WDFY1: variants seen among roughly 807,000 people sequenced by gnomAD.
WDFY1 encodes WD repeat and FYVE domain-containing protein 1.
WDFY1 carries 32 observed loss-of-function variants against 56.4 expected under a neutral mutation model. The observed-to-expected ratio is 0.57, with a 90% CI of 0.43 to 0.76. The LOEUF (loss-of-function observed/expected upper bound fraction) is 0.76. Ranked by LOEUF, WDFY1 falls within the 30% of genes least tolerant of loss-of-function variation. The pLI, the probability that WDFY1 is intolerant of heterozygous loss-of-function variation, is 0.00. For missense variants in WDFY1, 480 were observed against 545.7 expected, an observed-to-expected ratio of 0.88 and a Z score of 1.20; for synonymous variants, 192 against 197.3, an observed-to-expected ratio of 0.97 and a Z score of 0.23.
At chr2:223,893,925 C>A (rs900947671) in intron 8 of WDFY1, among the ~76,000 whole-genome samples, 1 of 152,232 alleles carries the variant, frequency 6.6e-6, no homozygotes, top group Non-Finnish European at 1.5e-5. Flanking sequence ...GACCTCTATG[C>A]AGTCCAAATC....
intron 5 of WDFY1, chr2:223,900,957 AC>A: frequency 2.1e-6 from 1 of 475,344 alleles, no homozygotes; most frequent in Non-Finnish European, 3.7e-6. Context: ...CAGCAAACTT[AC>A]GGAAGTTCTC....
intron 1 of WDFY1, among the ~76,000 whole-genome samples, chr2:223,940,254 G>A (rs1429054016): frequency 6.6e-6 from 1 of 152,188 alleles, no homozygotes; most frequent in African/African-American, 2.4e-5. Context: ...GGGAGGCAGA[G>A]GTTGCAGTGA....
In WDFY1 at chr2:223,905,998, A is replaced by G. The variant is rs768690647; in HGVS notation, c.283T>C (p.Phe95Leu). 53 of 1,573,194 alleles carry G rather than the reference A, an allele frequency of 3.4e-5. No individual in the cohort carries two copies. The highest frequency in any genetic ancestry group is 4.4e-5 in the Non-Finnish European group (51 of 1,162,582). The change falls in exon 4 of 12, where the codon TTT becomes CTT. Residue 95 changes from phenylalanine (F) to leucine (L), a missense_variant. Coordinates refer to ENST00000233055, the MANE Select transcript of WDFY1 (RefSeq NM_020830.5). ...VGQDNGAVME[F>L]HVSEDFNKMN... ...TTATTAAAATCTTCAGAAACGTGAA[A>G]TTCCTAAAAGCAAATGCACAAAATA...
intron 1 of WDFY1, among the ~76,000 whole-genome samples, chr2:223,918,424 C>G (rs1036654128): frequency 3.9e-5 from 6 of 151,978 alleles, no homozygotes; most frequent in Non-Finnish European, 7.4e-5. Flanking sequence ...GTCAGGAGAT[C>G]AAGACCATCT....
At position 223,912,344 on chromosome 2, in the gene WDFY1, A is replaced by G; in HGVS notation, c.206-18T>C. Reference sequence around the variant, plus strand: ...GCAAGGAGCTGCCAGAAAGACAAAGACCACATTACCAGCAAAGCTAAGCAC... The same window carrying G: ...GCAAGGAGCTGCCAGAAAGACAAAGGCCACATTACCAGCAAAGCTAAGCAC... On this transcript the variant is annotated intron_variant, in intron 2 of 11. Coordinates refer to ENST00000233055, the MANE Select transcript of WDFY1 (RefSeq NM_020830.5). The G allele has an allele frequency of 6.3e-7, 1 of 1,588,228 alleles. No homozygotes were observed. The highest frequency in any genetic ancestry group is 8.5e-7 in the Non-Finnish European group (1 of 1,172,712).
intron 1 of WDFY1, among the ~76,000 whole-genome samples, chr2:223,940,812 T>C (rs1216278153): frequency 6.6e-6 from 1 of 151,902 alleles, no homozygotes; most frequent in South Asian, 2.1e-4. Context: ...CCAGCTAATT[T>C]TTGTGGGTTT....
chr2:223,915,106 G>A (rs2106090798), intron 2 of WDFY1, among the ~76,000 whole-genome samples: 1 of 152,328 alleles, frequency 6.6e-6, no homozygotes, highest in Non-Finnish European at 1.5e-5. Flanking sequence ...AAACAGACAT[G>A]CAGTTATTTC....
At chr2:223,925,735 T>C (rs1436853777) in intron 1 of WDFY1, among the ~76,000 whole-genome samples, 1 of 152,258 alleles carries the variant, frequency 6.6e-6, no homozygotes, top group Non-Finnish European at 1.5e-5. Flanking sequence ...CCTAAGTTTA[T>C]GGAATATTCT....
chr2:223,906,013 T>C lies in WDFY1; in HGVS notation c.280-12A>G. 1.3e-6 allele frequency: 2 copies of C among 1,545,172 alleles called. No individual in the cohort carries two copies. The highest frequency in any genetic ancestry group is 1.7e-6 in the Non-Finnish European group (2 of 1,146,178). On this transcript the variant is annotated splice_polypyrimidine_tract_variant and intron_variant, in intron 3 of 11. Transcript: ENST00000233055. ...GAAACGTGAAATTCCTAAAAGCAAA[T>C]GCACAAAATAAAAAATTAAAAGAGT...
intron 1 of WDFY1, among the ~76,000 whole-genome samples, chr2:223,930,705 C>T (rs879448270): frequency 6.6e-6 from 1 of 152,180 alleles, no homozygotes; most frequent in Non-Finnish European, 1.5e-5. Flanking sequence ...GTCCTGAGGC[C>T]TGGTTTGCTC....
At chr2:223,906,957 T>C (rs199785774) in intron 3 of WDFY1, among the ~76,000 whole-genome samples, 34 of 16,182 alleles carry the variant, frequency 2.1e-3, no homozygotes, top group South Asian at 5.8e-3. Context: ...ACTACTACCA[T>C]TATTATTATT....
intron 1 of WDFY1, among the ~76,000 whole-genome samples, chr2:223,936,908 CTG>C (rs1426726130): frequency 6.6e-6 from 1 of 152,202 alleles, no homozygotes; most frequent in Non-Finnish European, 1.5e-5. Context: ...TTAGCCTGTC[CTG>C]TGACTCCACA....
Position 223,882,054 on chromosome 2 carries a change from C to G in WDFY1, c.952G>C (p.Gly318Arg). Residue 318 changes from glycine (G) to arginine (R), a missense_variant, in exon 10 of 12, where the codon GGG becomes CGG. Gly to Arg is a moderately radical substitution (Grantham distance 125). Transcript: ENST00000233055. ...GLRQHHCRKC[G>R]QAVCGKCSSK... ...CTGCACTTCCCGCAGACAGCCTGCC[C>G]GCATTTCCTGCAGTGATGCTTCACA... 4.3e-6 allele frequency: 7 copies of G among 1,613,634 alleles called. No homozygotes were observed. The highest frequency in any genetic ancestry group is 5.1e-6 in the Non-Finnish European group (6 of 1,179,730).
At chr2:223,903,088 C>T (rs976295617) in intron 4 of WDFY1, among the ~76,000 whole-genome samples, 7 of 152,146 alleles carry the variant, frequency 4.6e-5, no homozygotes, top group Non-Finnish European at 8.8e-5. Flanking sequence ...AGTTTTTAAA[C>T]TCTCACTTGG....
chr2:223,945,109 C>T (rs993524385), intron 1 of WDFY1, 39 bp downstream of exon 1: 8 of 1,550,592 alleles, frequency 5.2e-6, no homozygotes, highest in African/African-American at 4.2e-5. Flanking sequence ...ACCCCGTCGT[C>T]GCGGAGTTCG....
chr2:223,931,832 T>G (rs1253541418), intron 1 of WDFY1, among the ~76,000 whole-genome samples: 1 of 151,832 alleles, frequency 6.6e-6, no homozygotes, highest in Non-Finnish European at 1.5e-5. Context: ...ACTACAGGCA[T>G]GCACTACCAC....
At chr2:223,907,856 T>C (rs1485550626) in intron 3 of WDFY1, among the ~76,000 whole-genome samples, 1 of 39,076 alleles carries the variant, frequency 2.6e-5, no homozygotes, top group Non-Finnish European at 5.7e-5. Context: ...TGCTGCTATT[T>C]TTTTTTTTTT....
chr2:223,894,440 T>G (rs1209399246), intron 7 of WDFY1, 101 bp from the exon 8 acceptor site: 1 of 1,193,986 alleles, frequency 8.4e-7, no homozygotes, highest in South Asian at 1.3e-5. Flanking sequence ...AATCAGCAAG[T>G]GGTATTTTAC....
At chr2:223,905,832 G>A in intron 4 of WDFY1, 115 bp downstream of exon 4, 1 of 698,628 alleles carries the variant, frequency 1.4e-6, no homozygotes, top group East Asian at 3.3e-5. Context: ...GCATAGTGGG[G>A]GTAACAAAAC....
Sources: gnomAD v4.1 joint callset for allele counts (sites outside exome capture counted in the v4.1 genomes callset) on GRCh38, gnomAD v4.1.1 for gene constraint, MANE v1.5 for transcripts, NCBI Gene and HGNC (gene_info 2026-07-23, HGNC 2026-07-21) for gene names.